Variants in NDUFAF2 observed in about 807,000 individuals in gnomAD.
The protein encoded by NDUFAF2 is NADH:ubiquinone oxidoreductase complex assembly factor 2, also known as NADH dehydrogenase [ubiquinone] 1 alpha subcomplex assembly factor 2.
Under a neutral mutation model 22.8 loss-of-function variants are expected in NDUFAF2, and 13 were observed. That is an observed-to-expected ratio of 0.57 (90% confidence interval 0.37 to 0.91). The LOEUF (loss-of-function observed/expected upper bound fraction) is 0.91. NDUFAF2 is among the 40% of genes least tolerant of loss of function. NDUFAF2 has a pLI of 0.01. For synonymous variants in NDUFAF2, 53 were observed against 64.2 expected, an observed-to-expected ratio of 0.83 and a Z score of 0.84; for missense variants, 162 against 195.2, an observed-to-expected ratio of 0.83 and a Z score of 1.01.
intron 3 of NDUFAF2, among the ~76,000 whole-genome samples, chr5:61,141,238 A>T (rs956370164): frequency 6.6e-6 from 1 of 151,904 alleles, no homozygotes; most frequent in East Asian, 1.9e-4. Flanking sequence ...AAAAAAAAAA[A>T]AATTAATTAA....
intron 3 of NDUFAF2, among the ~76,000 whole-genome samples, chr5:61,128,742 A>G (rs1753068861): frequency 6.6e-6 from 1 of 152,236 alleles, no homozygotes; most frequent in African/African-American, 2.4e-5. Context: ...GGCATGGGCA[A>G]GGACCTCATG....
At chr5:61,082,997 T>G (rs1021086392) in intron 2 of NDUFAF2, among the ~76,000 whole-genome samples, 2 of 152,182 alleles carry the variant, frequency 1.3e-5, no homozygotes, top group African/African-American at 4.8e-5. Context: ...CCACCAACAG[T>G]GTATAAGTGT....
At chr5:61,056,202 C>T (rs1279993917) in intron 1 of NDUFAF2, among the ~76,000 whole-genome samples, 7 of 152,138 alleles carry the variant, frequency 4.6e-5, no homozygotes, top group Admixed American at 1.3e-4. Context: ...CAGGCATGGG[C>T]TATCAGTACA....
chr5:61,040,286 A>ACACACACACACGCGCGCGCGCGCG (rs1491193758), intron 1 of NDUFAF2, among the ~76,000 whole-genome samples: 3 of 93,072 alleles, frequency 3.2e-5, no homozygotes, highest in African/African-American at 1.3e-4. Context: ...ACACACACAC[A>ACACACACACACGCGCGCGCGCGCG]CGCGCGCGCG....
intron 1 of NDUFAF2, among the ~76,000 whole-genome samples, chr5:61,014,967 T>C (rs1470205510): frequency 6.6e-6 from 1 of 152,226 alleles, no homozygotes; most frequent in Admixed American, 6.5e-5. Flanking sequence ...TGCATATGTT[T>C]AATATTTATT....
chr5:61,011,872 C>CT (rs535729814), intron 1 of NDUFAF2, among the ~76,000 whole-genome samples: 114 of 152,108 alleles, frequency 7.5e-4, no homozygotes, highest in East Asian at 1.9e-3. Context: ...AGTATGTTCT[C>CT]TTTTTTAAAA....
chr5:61,131,332 C>T (rs949511695), intron 3 of NDUFAF2, among the ~76,000 whole-genome samples: 2 of 151,754 alleles, frequency 1.3e-5, no homozygotes, highest in Admixed American at 6.6e-5. Flanking sequence ...CAGGCCACCA[C>T]GCCCAGCTAA....
intron 1 of NDUFAF2, among the ~76,000 whole-genome samples, chr5:60,945,666 C>T (rs1016577578): frequency 6.6e-6 from 1 of 152,220 alleles, no homozygotes. Flanking sequence ...TTAAGGCGCA[C>T]CACCACTTTC....
intron 3 of NDUFAF2, among the ~76,000 whole-genome samples, chr5:61,126,032 G>A (rs1040291868): frequency 3.3e-5 from 5 of 152,084 alleles, no homozygotes; most frequent in East Asian, 1.9e-4. Context: ...CTGAGGGAAG[G>A]TGTGGAAAGA....
chr5:61,081,369 T>C (rs1008265323), intron 2 of NDUFAF2, among the ~76,000 whole-genome samples: 1 of 152,156 alleles, frequency 6.6e-6, no homozygotes, highest in Non-Finnish European at 1.5e-5. Context: ...AATAAAGCTG[T>C]AAAAGAATAA....
rs568008350 is a variant in NDUFAF2 at position 61,081,069 on chromosome 5, G to A, written c.217+7855G>A. On this transcript the variant is annotated intron_variant, in intron 2 of 3. Transcript: ENST00000296597. Reference sequence around the variant, plus strand: ...TATGGCAATCTAATTTTCCAGCACCGTTTTTTTAAATGACCACTATTTTTT... The same window carrying A: ...TATGGCAATCTAATTTTCCAGCACCATTTTTTTAAATGACCACTATTTTTT... Among the ~76,000 whole-genome samples the A allele has an allele frequency of 8.6e-5, 13 of 152,032 alleles. 2 individuals are homozygous for A. The highest frequency in any genetic ancestry group is 1.9e-4 in the African/African-American group (8 of 41,490).
chr5:61,076,200 A>G (rs535718524), intron 2 of NDUFAF2, among the ~76,000 whole-genome samples: 46 of 152,216 alleles, frequency 3.0e-4, no homozygotes, highest in African/African-American at 1.1e-3. Flanking sequence ...CCTCCTGAGT[A>G]GCTGGGACTA....
intron 2 of NDUFAF2, among the ~76,000 whole-genome samples, chr5:61,096,175 T>C (rs1166934169): frequency 6.6e-6 from 1 of 152,136 alleles, no homozygotes; most frequent in Non-Finnish European, 1.5e-5. Flanking sequence ...ATTTTTAAAG[T>C]ACCACCTCTT....
At chr5:61,071,602 G>T (rs1752300737) in intron 1 of NDUFAF2, among the ~76,000 whole-genome samples, 1 of 152,222 alleles carries the variant, frequency 6.6e-6, no homozygotes, top group African/African-American at 2.4e-5. Context: ...CTTTAATTAT[G>T]TAAGTCAGTA....
At chr5:61,151,802 CAAA>C (rs66747926) in intron 3 of NDUFAF2, among the ~76,000 whole-genome samples, 11 of 151,200 alleles carry the variant, frequency 7.3e-5, no homozygotes, top group Admixed American at 2.6e-4. Context: ...CTCAAAAAAA[CAAA>C]AAAAAACCAA....
intron 1 of NDUFAF2, among the ~76,000 whole-genome samples, chr5:60,951,976 C>T (rs1750553749): frequency 6.7e-6 from 1 of 150,098 alleles, no homozygotes; most frequent in South Asian, 2.1e-4. Context: ...AGTAGTTTGC[C>T]CTTTTTATCT....
chr5:60,960,504 G>T (rs1750669860), intron 1 of NDUFAF2, among the ~76,000 whole-genome samples: 2 of 152,120 alleles, frequency 1.3e-5, no homozygotes, highest in South Asian at 4.1e-4. Context: ...ACTTTTCAAA[G>T]TACTACTCAG....
chr5:60,985,219 T>A (rs558848644), intron 1 of NDUFAF2, among the ~76,000 whole-genome samples: 9 of 152,346 alleles, frequency 5.9e-5, no homozygotes, highest in Admixed American at 2.6e-4. Context: ...TAGTTTGTAT[T>A]TCTGTGGGAT....
At chr5:60,975,113 T>C (rs969392491) in intron 1 of NDUFAF2, among the ~76,000 whole-genome samples, 3 of 152,188 alleles carry the variant, frequency 2.0e-5, no homozygotes, top group African/African-American at 7.2e-5. Flanking sequence ...CCAGCCTTTT[T>C]TTCTATTTGC....
Sources: allele counts gnomAD v4.1 joint callset (sites outside exome capture counted in the v4.1 genomes callset), GRCh38; gene constraint gnomAD v4.1.1; transcripts MANE v1.5; gene names NCBI Gene and HGNC (gene_info 2026-07-23, HGNC 2026-07-21).